The following KIF1B variants were observed in gnomAD, a reference collection of about 807,000 sequenced individuals.
KIF1B encodes the protein kinesin family member 1B.
KIF1B carries 76 observed loss-of-function variants against 241.9 expected under a neutral mutation model. The ratio of observed to expected loss-of-function variants is 0.31; its 90% CI spans 0.26 to 0.38. KIF1B has a LOEUF of 0.38. Among genes scored for constraint, KIF1B ranks in the 10% least tolerant of loss-of-function variants. The pLI is 1.00. For missense variants in KIF1B, 1,622 were observed against 2,271.4 expected (o/e 0.71, Z 5.81); for synonymous variants, 750 against 796.7 (o/e 0.94, Z 0.99).
At chr1:10,372,653 GGGTGACAGAGCTGTCACCCAAGCT>G (rs1168127175) in intron 45 of KIF1B, among the ~76,000 whole-genome samples, 2 of 126,026 alleles carry the variant, frequency 1.6e-5, no homozygotes, top group Non-Finnish European at 3.3e-5. Context: ...GCGCCAGCTT[GGGTGACAGAGCTGTCACCCAAGCT>G]GGCGCGCAGC....
chr1:10,327,329 G>A (rs1195367158), intron 27 of KIF1B, among the ~76,000 whole-genome samples: 2 of 151,880 alleles, frequency 1.3e-5, no homozygotes, highest in South Asian at 2.1e-4. Context: ...GTGAAACCCC[G>A]TCTCTACTAA....
chr1:10,286,331 T>C (rs1175959405), intron 15 of KIF1B, among the ~76,000 whole-genome samples: 1 of 152,200 alleles, frequency 6.6e-6, no homozygotes, highest in Non-Finnish European at 1.5e-5. Flanking sequence ...TGAGCCACCA[T>C]GCCAGGTCTT....
intron 10 of KIF1B, among the ~76,000 whole-genome samples, chr1:10,275,207 T>C (rs914531634): frequency 6.6e-6 from 1 of 152,230 alleles, no homozygotes; most frequent in Non-Finnish European, 1.5e-5. Context: ...TCAACTGTTG[T>C]GTATATTACA....
At position 10,273,709 on chromosome 1, in the gene KIF1B, CAAAAAAAAAAAAAA is replaced by C. The variant is rs56349613; in HGVS notation, c.882+695_882+708del. The stretch of plus-strand genomic sequence containing the variant: ...GCCTACTCCCTTTCCTCCTCCTCCT[CAAAAAAAAAAAAAA>C]AAAAAAAAAAAAAAAACCCAACAAA... On this transcript the variant is annotated intron_variant, in intron 10 of 48. Transcript: ENST00000676179. Among the ~76,000 whole-genome samples, 118 of 49,584 alleles carry C rather than the reference CAAAAAAAAAAAAAA, an allele frequency of 2.4e-3. 2 individuals carry two copies. Among genetic ancestry groups the C allele is most frequent in the African/African-American group, 8.4e-3 (107 of 12,664 alleles). 32.5% of individuals were successfully genotyped at this position (49,584 alleles called of 152,430 possible).
At chr1:10,271,050 C>T (rs1449466202) in intron 7 of KIF1B, among the ~76,000 whole-genome samples, 1 of 151,860 alleles carries the variant, frequency 6.6e-6, no homozygotes, top group African/African-American at 2.4e-5. Context: ...TTTAGTAAGC[C>T]ATTTAATGAG....
intron 44 of KIF1B, among the ~76,000 whole-genome samples, chr1:10,370,530 C>T (rs1285114938): frequency 6.6e-6 from 1 of 151,664 alleles, no homozygotes; most frequent in Non-Finnish European, 1.5e-5. Context: ...CACCACTGCA[C>T]TACAGCCTGG....
At chr1:10,267,959 A>T (rs1364077237) in intron 6 of KIF1B, among the ~76,000 whole-genome samples, 193 bp from the exon 7 acceptor site, 3 of 152,162 alleles carry the variant, frequency 2.0e-5, no homozygotes, top group East Asian at 3.8e-4. Flanking sequence ...TGCCTTTGGA[A>T]TTGGAGAGTA....
rs549594000 is a variant in KIF1B at position 10,312,454 on chromosome 1, C to A, written c.2116-7589C>A. On this transcript the variant is annotated intron_variant, in intron 22 of 48. Transcript: ENST00000676179. Reference sequence around the variant, plus strand: ...GAGAATAATGTTTTTAAAACATATCCCAGCTCTAAACCATCCAGCAGTTTC... The same window carrying A: ...GAGAATAATGTTTTTAAAACATATCACAGCTCTAAACCATCCAGCAGTTTC... Among the ~76,000 whole-genome samples the A allele has an allele frequency of 2.1e-3, 313 of 151,496 alleles. 14 individuals carry two copies. Among genetic ancestry groups the A allele is most frequent in the African/African-American group, 7.3e-3 (298 of 40,836 alleles).
intron 48 of KIF1B, 26 bp from the exon 49 acceptor site, chr1:10,376,519 C>A (rs758663315): frequency 6.2e-7 from 1 of 1,612,996 alleles, no homozygotes; most frequent in East Asian, 2.2e-5. Context: ...GACTTCTAAT[C>A]CTACCTCCCC....
At chr1:10,367,613 C>T (rs1161451524) in intron 43 of KIF1B, among the ~76,000 whole-genome samples, 1 of 151,506 alleles carries the variant, frequency 6.6e-6, no homozygotes, top group Non-Finnish European at 1.5e-5. Context: ...CGGCTCACTG[C>T]AGCCTTCACT....
intron 44 of KIF1B, among the ~76,000 whole-genome samples, chr1:10,370,764 G>C (rs1638710540): frequency 6.6e-6 from 1 of 151,884 alleles, no homozygotes; most frequent in African/African-American, 2.4e-5. Flanking sequence ...GTGGCACTTA[G>C]GCCGTAAAAT....
At chr1:10,338,661 C>G (rs1195900564) in intron 31 of KIF1B, among the ~76,000 whole-genome samples, 2 of 152,266 alleles carry the variant, frequency 1.3e-5, no homozygotes, top group Non-Finnish European at 2.9e-5. Context: ...AGAGCAGCAT[C>G]TCTACCTGGT....
chr1:10,278,443 C>T, intron 13 of KIF1B: 1 of 299,336 alleles, frequency 3.3e-6, no homozygotes, highest in Non-Finnish European at 6.4e-6. Context: ...AACGTTAAAC[C>T]TGTTATCACT....
chr1:10,232,619 T>C (rs2102129673), intron 2 of KIF1B, among the ~76,000 whole-genome samples, 185 bp downstream of exon 2: 1 of 152,318 alleles, frequency 6.6e-6, no homozygotes, highest in African/African-American at 2.4e-5. Flanking sequence ...ATATGGACTA[T>C]TTATTTTACC....
chr1:10,270,663 G>A (rs969224819), intron 7 of KIF1B, among the ~76,000 whole-genome samples: 4 of 152,120 alleles, frequency 2.6e-5, no homozygotes, highest in African/African-American at 9.7e-5. Context: ...GGTGGCTCAC[G>A]CCTGTACTCC....
Position 10,376,962 on chromosome 1 carries a change from A to G in KIF1B, c.*375A>G, listed in dbSNP as rs554239975. The G allele has an allele frequency of 3.9e-4, 151 of 389,116 alleles. 3 individuals are homozygous for G. The South Asian group carries it at 4.2e-3, about 11-fold the overall frequency. The allele number at this position is 389,116 out of a possible 1,614,324, so 24.1% of individuals were successfully genotyped here. On this transcript the variant is annotated 3_prime_UTR_variant, in exon 49 of 49. Coordinates refer to ENST00000676179, the MANE Select transcript of KIF1B (RefSeq NM_001365951.3). ...GCTTCCTTTTGTATGATAGGTCCCC[A>G]TCATGACCACCTCTGATGTCTGTGC...
At position 10,346,010 on chromosome 1, in the gene KIF1B, C is replaced by T. The variant is rs570587156; in HGVS notation, c.3797+57C>T. ...GCAAAATGTTTCAAATTAGGAAATGCAATTTTGAATCTTCTTGTATTTGGG... is the reference window on the plus strand; with the variant it reads ...GCAAAATGTTTCAAATTAGGAAATGTAATTTTGAATCTTCTTGTATTTGGG... On this transcript the variant is annotated intron_variant, in intron 35 of 48. Transcript: ENST00000676179. 7.7e-4 allele frequency: 850 copies of T among 1,102,418 alleles called. 4 individuals carry two copies. Among genetic ancestry groups the T allele is most frequent in the Middle Eastern group, 2.1e-3 (11 of 5,122 alleles). 68.3% of individuals were successfully genotyped at this position (1,102,418 alleles called of 1,614,324 possible). A position where few individuals can be genotyped will look rare whatever the true frequency, so the allele number is the denominator to read the frequency against.
chr1:10,315,110 T>C (rs1274961026), intron 22 of KIF1B, among the ~76,000 whole-genome samples: 1 of 150,814 alleles, frequency 6.6e-6, no homozygotes, highest in Non-Finnish European at 1.5e-5. Flanking sequence ...GTGAAAATTA[T>C]AGATATCATG....
chr1:10,352,829 G>A (rs1557731957), intron 38 of KIF1B, 93 bp downstream of exon 38: 8 of 887,362 alleles, frequency 9.0e-6, no homozygotes, highest in Non-Finnish European at 1.1e-5. Flanking sequence ...CTCCCAGTTC[G>A]GACAAAGAAA....
Sources: allele counts gnomAD v4.1 joint callset (sites outside exome capture counted in the v4.1 genomes callset), GRCh38; gene constraint gnomAD v4.1.1; transcripts MANE v1.5; gene names NCBI Gene and HGNC (gene_info 2026-07-23, HGNC 2026-07-21).